PCLO: variants seen among roughly 807,000 people sequenced by gnomAD.
PCLO encodes protein piccolo.
Under a neutral mutation model 427.5 loss-of-function variants are expected in PCLO, and 82 were observed. That is an observed-to-expected ratio of 0.19 (90% CI 0.16 to 0.23). The LOEUF (loss-of-function observed/expected upper bound fraction) is 0.23, where lower values mean the gene tolerates loss of function less well. Ranked by LOEUF, PCLO falls within the 10% of genes least tolerant of loss-of-function variation. PCLO has a pLI of 1.00. For missense variants in PCLO, 6,239 were observed against 6,115.9 expected (o/e 1.02, Z -0.67); for synonymous variants, 2,357 against 2,155.4 (o/e 1.09, Z -2.59).
rs545951512 is a variant in PCLO at position 83,122,443 on chromosome 7, G to A, written c.3300+11807C>T. ...TGGGATTACAGACGTCCACCACCAC[G>A]CCCAGCTAATTTTTGTATTTTTAGT... On this transcript the variant is annotated intron_variant, in intron 3 of 24. Coordinates refer to ENST00000333891, the MANE Select transcript of PCLO (RefSeq NM_033026.6). Among the ~76,000 whole-genome samples the A allele has an allele frequency of 9.7e-4, 148 of 151,944 alleles. 1 individual carries two copies. Among genetic ancestry groups the A allele is most frequent in the African/African-American group, 3.4e-3 (140 of 41,460 alleles).
intron 22 of PCLO, among the ~76,000 whole-genome samples, chr7:82,768,365 G>A (rs1447406092): frequency 2.6e-5 from 4 of 151,590 alleles, no homozygotes; most frequent in Non-Finnish European, 5.9e-5. Flanking sequence ...AGAGGTTGTA[G>A]TGAGCCAGGA....
chr7:82,927,168 T>A (rs1584166201), intron 6 of PCLO, among the ~76,000 whole-genome samples: 1 of 152,294 alleles, frequency 6.6e-6, no homozygotes, highest in East Asian at 1.9e-4. Flanking sequence ...ATACTCATTT[T>A]TGTCAAATGG....
At chr7:83,038,053 T>TTA (rs760756481) in intron 3 of PCLO, among the ~76,000 whole-genome samples, 25,130 of 44,296 alleles carry the variant, frequency 0.57, 8,259 homozygotes, top group African/African-American at 0.66. Flanking sequence ...ATATATATCT[T>TTA]TATATATATA....
rs1029854276 is a variant in PCLO, at chr7:82,754,931, A to T, written c.*3644T>A. The T allele has an allele frequency of 7.9e-5, 12 of 152,166 alleles. No individual in the cohort carries two copies. The highest frequency in any genetic ancestry group is 2.4e-4 in the African/African-American group (10 of 41,460). The allele number at this position is 152,166 out of a possible 1,614,324, so 9.4% of individuals were successfully genotyped here. ...ATTTGACATTGTAGCAATGAAAATA[A>T]GTTTTTAAAAATATTGTTAGTTATG... On this transcript the variant is annotated 3_prime_UTR_variant, in exon 25 of 25. Transcript: ENST00000333891.
At chr7:82,824,826 G>A (rs1194513394) in intron 18 of PCLO, among the ~76,000 whole-genome samples, 1 of 151,768 alleles carries the variant, frequency 6.6e-6, no homozygotes, top group Non-Finnish European at 1.5e-5. Context: ...GCGGGCACCT[G>A]TAGTCCCAGC....
At chr7:82,986,231 G>A (rs1796252768) in intron 3 of PCLO, among the ~76,000 whole-genome samples, 1 of 151,902 alleles carries the variant, frequency 6.6e-6, no homozygotes. Context: ...TTTTAAACCT[G>A]TTTTAGTAAG....
intron 3 of PCLO, among the ~76,000 whole-genome samples, chr7:83,044,607 T>C (rs1466040180): frequency 6.6e-6 from 1 of 152,174 alleles, no homozygotes; most frequent in Non-Finnish European, 1.5e-5. Flanking sequence ...GAACCTGCTA[T>C]ACCTAATAAA....
At chr7:82,831,939 T>C (rs1358690853) in intron 16 of PCLO, among the ~76,000 whole-genome samples, 2 of 152,102 alleles carry the variant, frequency 1.3e-5, no homozygotes, top group Admixed American at 6.6e-5. Flanking sequence ...CTACACAAAA[T>C]AGTCATATCA....
chr7:82,762,700 A>G (rs545137368), intron 22 of PCLO, among the ~76,000 whole-genome samples: 13 of 152,220 alleles, frequency 8.5e-5, no homozygotes, highest in African/African-American at 2.6e-4. Flanking sequence ...ATATTTTCCA[A>G]ACCAAAAAAA....
intron 22 of PCLO, among the ~76,000 whole-genome samples, chr7:82,776,370 A>T (rs2129467969): frequency 6.6e-6 from 1 of 152,286 alleles, no homozygotes; most frequent in East Asian, 1.9e-4. Context: ...ACGCCAGCAG[A>T]TCACTTGATG....
chr7:83,129,980 T>C (rs1469153312), intron 3 of PCLO, among the ~76,000 whole-genome samples: 1 of 152,108 alleles, frequency 6.6e-6, no homozygotes, highest in East Asian at 1.9e-4. Flanking sequence ...CAAATTTATC[T>C]TAAAAATTAT....
chr7:82,813,115 C>A (rs965419719), intron 20 of PCLO, among the ~76,000 whole-genome samples: 4 of 151,518 alleles, frequency 2.6e-5, no homozygotes, highest in Admixed American at 1.3e-4. Context: ...TAAATTTTGC[C>A]CAAATGAAAA....
chr7:83,056,883 A>C (rs550739256), intron 3 of PCLO, among the ~76,000 whole-genome samples: 1 of 152,166 alleles, frequency 6.6e-6, no homozygotes, highest in African/African-American at 2.4e-5. Context: ...CTTAAATAAT[A>C]AAACTTCTCT....
In PCLO at chr7:83,081,228, C is replaced by G. The variant is rs762625502; in HGVS notation, c.3300+53022G>C. 1.3e-3 allele frequency among the ~76,000 whole-genome samples: 195 copies of G among 151,892 alleles called. 5 individuals are homozygous for G. Among genetic ancestry groups the G allele is most frequent in the Admixed American group, 6.6e-4 (10 of 15,244 alleles). On this transcript the variant is annotated intron_variant, in intron 3 of 24. Transcript: ENST00000333891. Reference sequence around the variant, plus strand: ...ACACACATACAAACATACAAATAAACTTTGTACTACAAGACCAGGACCTCA... The same window carrying G: ...ACACACATACAAACATACAAATAAAGTTTGTACTACAAGACCAGGACCTCA...
At chr7:83,020,687 A>T (rs1788321755) in intron 3 of PCLO, among the ~76,000 whole-genome samples, 1 of 152,182 alleles carries the variant, frequency 6.6e-6, no homozygotes, top group Non-Finnish European at 1.5e-5. Context: ...CCCAGTCTGT[A>T]GTAAAGTATT....
chr7:82,839,044 T>C (rs967006556), intron 14 of PCLO, among the ~76,000 whole-genome samples: 6 of 152,034 alleles, frequency 3.9e-5, no homozygotes, highest in African/African-American at 1.4e-4. Context: ...CAAACAAATA[T>C]TTGAGAAAAC....
intron 16 of PCLO, among the ~76,000 whole-genome samples, chr7:82,831,624 C>A (rs2115714089): frequency 6.6e-6 from 1 of 152,004 alleles, no homozygotes; most frequent in East Asian, 1.9e-4. Context: ...TTAGAAATAA[C>A]CTAAACTGAT....
In PCLO at chr7:82,892,759, G is replaced by A. The variant is rs184164658; in HGVS notation, c.13528+9892C>T. Reference sequence around the variant, plus strand: ...AAAAACAACCCCATCAACAAGTGGGGGAAGGATATGAACAGACACTTCTCA... The same window carrying A: ...AAAAACAACCCCATCAACAAGTGGGAGAAGGATATGAACAGACACTTCTCA... On this transcript the variant is annotated intron_variant, in intron 9 of 24. Coordinates refer to ENST00000333891, the MANE Select transcript of PCLO (RefSeq NM_033026.6). 5.8e-3 allele frequency among the ~76,000 whole-genome samples: 878 copies of A among 151,670 alleles called. 13 individuals carry two copies. The highest frequency in any genetic ancestry group is 0.02 in the African/African-American group (830 of 41,266).
At chr7:82,922,293 T>G (rs1418933123) in intron 6 of PCLO, among the ~76,000 whole-genome samples, 1 of 152,030 alleles carries the variant, frequency 6.6e-6, no homozygotes, top group Non-Finnish European at 1.5e-5. Flanking sequence ...CATGTGTATA[T>G]TCATCACAGC....
Sources: gnomAD v4.1 joint callset for allele counts (sites outside exome capture counted in the v4.1 genomes callset) on GRCh38, gnomAD v4.1.1 for gene constraint, MANE v1.5 for transcripts, NCBI Gene and HGNC (gene_info 2026-07-23, HGNC 2026-07-21) for gene names.